SLC12A6: variants seen among roughly 807,000 people sequenced by gnomAD.
SLC12A6 encodes the protein K-Cl cotransporter 3.
A neutral mutation model predicts 135.3 loss-of-function variants in SLC12A6; 66 were observed. That is an observed-to-expected ratio of 0.49 (90% confidence interval 0.40 to 0.60). The LOEUF is 0.60. Among genes scored for constraint, SLC12A6 ranks in the 20% least tolerant of loss-of-function variants. The pLI, the probability that SLC12A6 is intolerant of heterozygous loss-of-function variation, is 0.00. For synonymous variants in SLC12A6, 513 were observed against 508.8 expected (o/e 1.01, Z -0.11); for missense variants, 1,058 against 1,452.3 (o/e 0.73, Z 4.41).
intron 2 of SLC12A6, among the ~76,000 whole-genome samples, chr15:34,299,286 T>G (rs1273794656): frequency 2.0e-5 from 3 of 152,244 alleles, no homozygotes; most frequent in Admixed American, 6.5e-5. Context: ...CAGCTTGGCA[T>G]TTAAGCCCCT....
At chr15:34,321,197 C>T (rs1277122535) in intron 2 of SLC12A6, among the ~76,000 whole-genome samples, 1 of 152,214 alleles carries the variant, frequency 6.6e-6, no homozygotes, top group African/African-American at 2.4e-5. Flanking sequence ...AACTCATATA[C>T]ACTCACCTAA....
At chr15:34,277,519 C>T (rs939227646) in intron 2 of SLC12A6, among the ~76,000 whole-genome samples, 9 of 151,674 alleles carry the variant, frequency 5.9e-5, no homozygotes, top group African/African-American at 2.2e-4. Context: ...ATAGGAATAA[C>T]AGTTCTGTAG....
chr15:34,257,568 A>G, intron 6 of SLC12A6, 74 bp downstream of exon 6: 1 of 1,103,338 alleles, frequency 9.1e-7, no homozygotes, highest in Non-Finnish European at 1.4e-6. Flanking sequence ...TTTTATTCCC[A>G]AAGAGGTCAT....
chr15:34,335,230 C>T (rs955646836), intron 2 of SLC12A6, among the ~76,000 whole-genome samples: 3 of 152,090 alleles, frequency 2.0e-5, no homozygotes, highest in Non-Finnish European at 4.4e-5. Context: ...CCTATGTCTC[C>T]ATAAAAGAAA....
rs1891458331 is a variant in SLC12A6, at chr15:34,238,946, T to A, written c.2632+19A>T. On this transcript the variant is annotated intron_variant, in intron 20 of 25. Transcript: ENST00000354181. ...CCCTCGACTTGGGCCTTTAGGTTTG[T>A]ATGAGAAATGGTTAGTACCAATAAA... The A allele has an allele frequency of 6.2e-7, 1 of 1,603,934 alleles. No individual in the cohort carries two copies. The highest frequency in any genetic ancestry group is 1.3e-5 in the African/African-American group (1 of 74,734).
At chr15:34,240,631 G>A (rs1891576652) in intron 19 of SLC12A6, 30 bp downstream of exon 19, 2 of 1,594,400 alleles carry the variant, frequency 1.3e-6, no homozygotes, top group Non-Finnish European at 1.7e-6. Flanking sequence ...TGTAAACTGA[G>A]TTCCAATACC....
Position 34,286,769 on chromosome 15 carries a change from CAA to C in SLC12A6, c.272-11382_272-11381del, listed in dbSNP as rs1291604241. On this transcript the variant is annotated intron_variant, in intron 2 of 25. Transcript: ENST00000354181. ...CAAGATTGCGCCACTGCATTCTAGACAAAGTGAGACTCTGTCTCAAAAATAAA... is the reference window on the plus strand; with the variant it reads ...CAAGATTGCGCCACTGCATTCTAGACAGTGAGACTCTGTCTCAAAAATAAA... Among the ~76,000 whole-genome samples, 9 of 152,090 alleles carry C rather than the reference CAA, an allele frequency of 5.9e-5. No homozygotes were observed. In the South Asian group the frequency reaches 1.9e-3, roughly 32 times the overall value.
chr15:34,268,788 C>T (rs1893695428), intron 3 of SLC12A6, among the ~76,000 whole-genome samples: 1 of 152,126 alleles, frequency 6.6e-6, no homozygotes, highest in African/African-American at 2.4e-5. Context: ...AGGATCCCCA[C>T]TGAGACTGGC....
Position 34,327,220 on chromosome 15 carries a change from A to G in SLC12A6, c.271+9190T>C, listed in dbSNP as rs546668230. Reference sequence around the variant, plus strand: ...AAGAACTGACCTCATCTAATAGGGAAGAATATTTTTCTATTCCTATCAATT... The same window carrying G: ...AAGAACTGACCTCATCTAATAGGGAGGAATATTTTTCTATTCCTATCAATT... On this transcript the variant is annotated intron_variant, in intron 2 of 25. Coordinates refer to ENST00000354181, the MANE Select transcript of SLC12A6 (RefSeq NM_001365088.1). 8.1e-4 allele frequency among the ~76,000 whole-genome samples: 123 copies of G among 152,320 alleles called. 5 individuals carry two copies. The highest frequency in any genetic ancestry group is 3.4e-3 in the Middle Eastern group (1 of 294).
chr15:34,315,230 A>G (rs1888554749), intron 2 of SLC12A6, among the ~76,000 whole-genome samples: 1 of 152,232 alleles, frequency 6.6e-6, no homozygotes, highest in African/African-American at 2.4e-5. Context: ...TGCTACAGAG[A>G]AATCTTTCAT....
intron 20 of SLC12A6, 149 bp downstream of exon 20, chr15:34,238,816 G>A: frequency 2.6e-6 from 2 of 769,708 alleles, no homozygotes; most frequent in Non-Finnish European, 4.7e-6. Context: ...GTAGAATCTG[G>A]GTATTACTAC....
intron 2 of SLC12A6, among the ~76,000 whole-genome samples, chr15:34,312,907 C>T (rs773276309): frequency 6.3e-4 from 96 of 152,268 alleles, no homozygotes; most frequent in Non-Finnish European, 1.3e-3. Context: ...ATTGCTGTTA[C>T]TATTGAAATT....
chr15:34,315,855 T>G (rs1162515167), intron 2 of SLC12A6, among the ~76,000 whole-genome samples: 1 of 150,140 alleles, frequency 6.7e-6, no homozygotes, highest in Non-Finnish European at 1.5e-5. Context: ...GGCATGTGCC[T>G]GTAGTCCCAG....
Position 34,334,158 on chromosome 15 carries a change from G to T in SLC12A6, c.271+2252C>A, listed in dbSNP as rs563466937. On this transcript the variant is annotated intron_variant, in intron 2 of 25. Coordinates refer to ENST00000354181, the MANE Select transcript of SLC12A6 (RefSeq NM_001365088.1). ...TAGAAGACATATGACAAGAAACTTC[G>T]GGTGGGAAGTTTCTCTACAGGAAGA... Among the ~76,000 whole-genome samples the T allele has an allele frequency of 1.3e-4, 20 of 152,136 alleles. No individual in the cohort carries two copies. The East Asian group carries it at 3.3e-3, about 25-fold the overall frequency.
At position 34,258,909 on chromosome 15, in the gene SLC12A6, G is replaced by A; in HGVS notation, c.447C>T (p.Leu149=). ...EMDTRPKVSS[L]LNRMANYTNL... ...TAGTGTAATTGGCCATGCGGTTGAG[G>A]AGGGAAGACACCTTCGGTCTGGTGT... is the stretch of plus-strand genomic sequence containing the variant. Residue 149 remains leucine (L), a synonymous_variant, in exon 5 of 26, where the codon CTC becomes CTT. Coordinates refer to ENST00000354181, the MANE Select transcript of SLC12A6 (RefSeq NM_001365088.1). 6.2e-7 allele frequency: 1 copy of A among 1,611,228 alleles called. No individual in the cohort carries two copies. The highest frequency in any genetic ancestry group is 8.5e-7 in the Non-Finnish European group (1 of 1,177,344).
At chr15:34,252,840 C>A (rs987558497) in intron 9 of SLC12A6, among the ~76,000 whole-genome samples, 26 of 152,150 alleles carry the variant, frequency 1.7e-4, no homozygotes, top group African/African-American at 6.3e-4. Flanking sequence ...AAGTAAAAAG[C>A]ACTCCTCTTT....
Position 34,245,876 on chromosome 15 carries a change from G to A in SLC12A6, c.1650-9C>T, listed in dbSNP as rs1486840290. On this transcript the variant is annotated splice_polypyrimidine_tract_variant and intron_variant, in intron 13 of 25. Transcript: ENST00000354181. ...TCACAGCATCACCGAACCTGGGAAA[G>A]AAATAGGAGTGGGAAATTTAATCTG... 1 of 1,606,098 alleles carries A rather than the reference G, an allele frequency of 6.2e-7. No individual in the cohort carries two copies. Among genetic ancestry groups the A allele is most frequent in the Non-Finnish European group, 8.5e-7 (1 of 1,172,784 alleles).
At chr15:34,315,526 A>G (rs1270128511) in intron 2 of SLC12A6, among the ~76,000 whole-genome samples, 2 of 152,226 alleles carry the variant, frequency 1.3e-5, no homozygotes, top group Non-Finnish European at 2.9e-5. Context: ...CAAGAGTTTG[A>G]GTCCAGCCTG....
At chr15:34,302,976 AAAAAG>A (rs1385108636) in intron 2 of SLC12A6, among the ~76,000 whole-genome samples, 1 of 151,760 alleles carries the variant, frequency 6.6e-6, no homozygotes, top group Admixed American at 6.6e-5. Flanking sequence ...AAAAAAAAAA[AAAAAG>A]ATTATGTCAT....
Sources: allele counts gnomAD v4.1 joint callset (sites outside exome capture counted in the v4.1 genomes callset), GRCh38; gene constraint gnomAD v4.1.1; transcripts MANE v1.5; gene names NCBI Gene and HGNC (gene_info 2026-07-23, HGNC 2026-07-21).